Variants in ADAMTSL1 observed in about 807,000 individuals in gnomAD.
ADAMTSL1 encodes ADAMTS like 1.
A neutral mutation model predicts 201.8 loss-of-function variants in ADAMTSL1; 126 were observed. That is an observed-to-expected ratio of 0.62 (90% CI 0.54 to 0.72). The LOEUF (loss-of-function observed/expected upper bound fraction) is 0.72. ADAMTSL1 is among the 30% of genes least tolerant of loss of function. The probability of loss-of-function intolerance (pLI) is 0.00; values close to 1 mark genes in which losing one functional copy is unlikely to be tolerated. For missense variants in ADAMTSL1, 2,679 were observed against 2,277.8 expected, an observed-to-expected ratio of 1.18 and a Z score of -3.59; for synonymous variants, 1,121 against 903.4, an observed-to-expected ratio of 1.24 and a Z score of -4.32.
At chr9:18,261,791 A>G (rs1831934985) in intron 2 of ADAMTSL1, among the ~76,000 whole-genome samples, 1 of 151,852 alleles carries the variant, frequency 6.6e-6, no homozygotes, top group Non-Finnish European at 1.5e-5. Flanking sequence ...GGTGGCACGC[A>G]TATCATATGT....
intron 1 of ADAMTSL1, among the ~76,000 whole-genome samples, chr9:18,066,777 C>G (rs1333662519): frequency 6.6e-6 from 1 of 152,042 alleles, no homozygotes; most frequent in Non-Finnish European, 1.5e-5. Flanking sequence ...GAAAATGTGG[C>G]ACATATACAC....
intron 1 of ADAMTSL1, among the ~76,000 whole-genome samples, chr9:18,487,156 G>T (rs1357534040): frequency 6.6e-6 from 1 of 151,992 alleles, no homozygotes; most frequent in African/African-American, 2.4e-5. Flanking sequence ...AACATGATTT[G>T]AAAAAATAAC....
intron 2 of ADAMTSL1, among the ~76,000 whole-genome samples, chr9:18,178,301 A>T (rs1828273977): frequency 6.6e-6 from 1 of 152,174 alleles, no homozygotes; most frequent in Non-Finnish European, 1.5e-5. Context: ...TCCCACCCAA[A>T]TACTGCGCTT....
chr9:18,095,668 C>A (rs2131829298), intron 1 of ADAMTSL1, among the ~76,000 whole-genome samples: 1 of 152,266 alleles, frequency 6.6e-6, no homozygotes, highest in African/African-American at 2.4e-5. Context: ...AGGTGATCCA[C>A]CCGCCTCAGC....
At chr9:18,606,769 C>T (rs186957905) in intron 4 of ADAMTSL1, among the ~76,000 whole-genome samples, 1 of 152,162 alleles carries the variant, frequency 6.6e-6, no homozygotes, top group Admixed American at 6.5e-5. Flanking sequence ...TCCTTCCCCC[C>T]CAGTTTTCTT....
Position 17,913,238 on chromosome 9 carries a change from C to T in ADAMTSL1, c.87+6316C>T, listed in dbSNP as rs533431798. The stretch of plus-strand genomic sequence containing the variant: ...TTTTTTCCAATTCTGTGAAGAAAGT[C>T]CTTGGTAGCTTGATGGGGATGGCAT... On this transcript the variant is annotated intron_variant, in intron 1 of 29. Coordinates refer to the ADAMTSL1 transcript ENST00000680146. Among the ~76,000 whole-genome samples the T allele has an allele frequency of 7.5e-3, 1,136 of 152,200 alleles. 17 individuals are homozygous for T. The highest frequency in any genetic ancestry group is 0.026 in the African/African-American group (1,081 of 41,522).
chr9:18,806,896 C>T (rs1342622868), intron 20 of ADAMTSL1, among the ~76,000 whole-genome samples: 2 of 152,288 alleles, frequency 1.3e-5, no homozygotes, highest in Middle Eastern at 6.8e-3. Flanking sequence ...TGGATGCTGA[C>T]GTACGAGTTT....
At chr9:18,210,252 CAT>C (rs1200860004) in intron 2 of ADAMTSL1, among the ~76,000 whole-genome samples, 1 of 151,046 alleles carries the variant, frequency 6.6e-6, no homozygotes, top group Non-Finnish European at 1.5e-5. Flanking sequence ...AAATATAAAA[CAT>C]GTCAGAGTTT....
intron 1 of ADAMTSL1, among the ~76,000 whole-genome samples, chr9:18,007,394 A>G (rs1819871388): frequency 6.6e-6 from 1 of 152,066 alleles, no homozygotes; most frequent in African/African-American, 2.4e-5. Context: ...TAACTTAGAA[A>G]TCTACCTTTT....
At chr9:18,104,307 C>T (rs1824660836) in intron 1 of ADAMTSL1, among the ~76,000 whole-genome samples, 1 of 152,220 alleles carries the variant, frequency 6.6e-6, no homozygotes, top group African/African-American at 2.4e-5. Context: ...GCATGCTTCC[C>T]TTCCACTGAT....
chr9:18,266,006 T>TA (rs1482799656), intron 2 of ADAMTSL1, among the ~76,000 whole-genome samples: 3 of 152,022 alleles, frequency 2.0e-5, no homozygotes, highest in Non-Finnish European at 4.4e-5. Flanking sequence ...TAATTTAAAA[T>TA]AAAAAATAAT....
chr9:18,036,559 C>T (rs1371267032), intron 1 of ADAMTSL1, among the ~76,000 whole-genome samples: 1 of 152,118 alleles, frequency 6.6e-6, no homozygotes, highest in East Asian at 1.9e-4. Context: ...TAGCTAATAC[C>T]TTGTTGTTTA....
intron 1 of ADAMTSL1, among the ~76,000 whole-genome samples, chr9:18,032,871 CTGGT>C (rs1229320041): frequency 1.4e-5 from 2 of 144,626 alleles, no homozygotes; most frequent in South Asian, 4.6e-4. Context: ...GCAACCTGTC[CTGGT>C]GCTCAGTGAC....
At chr9:17,942,975 G>A (rs566868675) in intron 1 of ADAMTSL1, among the ~76,000 whole-genome samples, 86 of 152,220 alleles carry the variant, frequency 5.6e-4, no homozygotes, top group Non-Finnish European at 9.4e-4. Context: ...AGGCTGGAGT[G>A]CAGTGACAGG....
chr9:18,055,871 G>C (rs188914896), intron 1 of ADAMTSL1, among the ~76,000 whole-genome samples: 1 of 152,348 alleles, frequency 6.6e-6, no homozygotes, highest in East Asian at 1.9e-4. Flanking sequence ...ATATGGGCTT[G>C]AAGCCCCTGT....
At chr9:18,805,911 G>T (rs1346770472) in intron 20 of ADAMTSL1, among the ~76,000 whole-genome samples, 1 of 152,122 alleles carries the variant, frequency 6.6e-6, no homozygotes, top group Admixed American at 6.5e-5. Flanking sequence ...TGTGTCTGTT[G>T]TTGCCCCGTT....
intron 2 of ADAMTSL1, among the ~76,000 whole-genome samples, chr9:18,376,766 A>C (rs1275307298): frequency 2.6e-5 from 4 of 152,198 alleles, no homozygotes; most frequent in Non-Finnish European, 2.9e-5. Context: ...AGATCGCATC[A>C]CTGCACTCCA....
intron 2 of ADAMTSL1, among the ~76,000 whole-genome samples, chr9:18,280,930 C>A (rs1011302969): frequency 7.0e-6 from 1 of 143,450 alleles, no homozygotes; most frequent in Non-Finnish European, 1.5e-5. Flanking sequence ...GACTGAAGTG[C>A]GGTGGCATGA....
At chr9:18,347,955 A>T (rs995182202) in intron 2 of ADAMTSL1, among the ~76,000 whole-genome samples, 1 of 152,202 alleles carries the variant, frequency 6.6e-6, no homozygotes, top group Non-Finnish European at 1.5e-5. Context: ...AAACAAGATG[A>T]AAACTACAAA....
Sources: gnomAD v4.1 joint callset for allele counts (sites outside exome capture counted in the v4.1 genomes callset) on GRCh38, gnomAD v4.1.1 for gene constraint, MANE v1.5 for transcripts, NCBI Gene and HGNC (gene_info 2026-07-23, HGNC 2026-07-21) for gene names.